SHISA9: variants seen among roughly 807,000 people sequenced by gnomAD.
SHISA9 encodes the protein shisa family member 9.
A neutral mutation model predicts 38.0 loss-of-function variants in SHISA9; 13 were observed. The ratio of observed to expected loss-of-function variants is 0.34; its 90% confidence interval spans 0.22 to 0.54. The LOEUF (loss-of-function observed/expected upper bound fraction) is 0.54, where lower values mean the gene tolerates loss of function less well. SHISA9 is among the 20% of genes least tolerant of loss of function. The pLI is 0.91. For synonymous variants in SHISA9, 275 were observed against 242.0 expected, an observed-to-expected ratio of 1.14 and a Z score of -1.27; for missense variants, 538 against 575.8, an observed-to-expected ratio of 0.93 and a Z score of 0.67.
intron 2 of SHISA9, among the ~76,000 whole-genome samples, chr16:13,073,244 A>G (rs1253941400): frequency 1.4e-5 from 2 of 143,048 alleles, no homozygotes; most frequent in Non-Finnish European, 3.0e-5. Flanking sequence ...TTTTTTGTAC[A>G]ACAGGACTTA....
the SHISA9 span, among the ~76,000 whole-genome samples, chr16:13,423,088 G>A: frequency 7.8e-4 from 119 of 152,320 alleles, no homozygotes; most frequent in African/African-American, 2.6e-3. Flanking sequence ...ATGAGAGGAA[G>A]GAGCTTGATC....
the SHISA9 span, among the ~76,000 whole-genome samples, chr16:13,395,765 A>G: frequency 6.6e-6 from 1 of 152,194 alleles, no homozygotes; most frequent in African/African-American, 2.4e-5. Flanking sequence ...TATTTGTCAA[A>G]TGAGTGCTTG....
the SHISA9 span, among the ~76,000 whole-genome samples, chr16:13,340,090 C>A: frequency 6.6e-6 from 1 of 152,152 alleles, no homozygotes; most frequent in Admixed American, 6.5e-5. Flanking sequence ...GCTCAACCTT[C>A]ATTTCTACAT....
intron 2 of SHISA9, among the ~76,000 whole-genome samples, chr16:13,117,908 G>A (rs966195042): frequency 3.9e-5 from 6 of 152,080 alleles, no homozygotes; most frequent in Non-Finnish European, 8.8e-5. Context: ...TCAGCCTGGT[G>A]TGATGGCTCA....
chr16:13,560,327 A>C, the SHISA9 span, among the ~76,000 whole-genome samples: 2 of 152,192 alleles, frequency 1.3e-5, no homozygotes, highest in African/African-American at 4.8e-5. Flanking sequence ...GTCACCCCTG[A>C]ACCAATCACC....
the SHISA9 span, among the ~76,000 whole-genome samples, chr16:13,434,425 T>TTTGTTTGTTTGTTTTG: frequency 7.7e-3 from 1,024 of 132,372 alleles, 28 homozygotes; most frequent in African/African-American, 0.02. Context: ...CTATGTTTTT[T>TTTGTTTGTTTGTTTTG]TTTTTTTTTT....
chr16:13,380,375 A>C, the SHISA9 span, among the ~76,000 whole-genome samples: 1 of 152,194 alleles, frequency 6.6e-6, no homozygotes, highest in Non-Finnish European at 1.5e-5. Flanking sequence ...AATGCTTTAA[A>C]AGAGAGAAAC....
chr16:13,148,895 C>G (rs535831732), intron 2 of SHISA9, among the ~76,000 whole-genome samples: 1 of 152,060 alleles, frequency 6.6e-6, no homozygotes, highest in Non-Finnish European at 1.5e-5. Context: ...TTAGCTCCCC[C>G]GAGGTTAAAT....
At chr16:13,531,643 G>A in the SHISA9 span, among the ~76,000 whole-genome samples, 2 of 152,156 alleles carry the variant, frequency 1.3e-5, no homozygotes, top group Admixed American at 6.5e-5. Context: ...CAAATTAGCA[G>A]GGTCCCTGAG....
At chr16:13,101,063 C>T (rs377080464) in intron 2 of SHISA9, among the ~76,000 whole-genome samples, 1 of 152,162 alleles carries the variant, frequency 6.6e-6, no homozygotes, top group Non-Finnish European at 1.5e-5. Flanking sequence ...CCATGCCTGG[C>T]TTATTTCTCT....
chr16:13,524,720 A>G, the SHISA9 span, among the ~76,000 whole-genome samples: 13 of 149,164 alleles, frequency 8.7e-5, no homozygotes, highest in East Asian at 2.4e-3. Flanking sequence ...TACCATGCCC[A>G]GCTAATTTTT....
intron 2 of SHISA9, among the ~76,000 whole-genome samples, chr16:12,920,704 C>T (rs978941468): frequency 1.3e-5 from 2 of 152,200 alleles, no homozygotes; most frequent in African/African-American, 4.8e-5. Context: ...CTCACCCACT[C>T]TCCCCAATAT....
chr16:13,269,606 C>T, the SHISA9 span, among the ~76,000 whole-genome samples: 4 of 152,144 alleles, frequency 2.6e-5, no homozygotes, highest in Admixed American at 2.6e-4. Context: ...CCTTGGTTTT[C>T]TCATCTAACA....
chr16:13,137,842 T>C (rs1320744526), intron 2 of SHISA9, among the ~76,000 whole-genome samples: 1 of 152,196 alleles, frequency 6.6e-6, no homozygotes, highest in Non-Finnish European at 1.5e-5. Context: ...AGTTCATTCC[T>C]CTTCCTATGG....
chr16:13,265,802 A>G, the SHISA9 span, among the ~76,000 whole-genome samples: 1 of 125,692 alleles, frequency 8.0e-6, no homozygotes, highest in South Asian at 2.6e-4. Flanking sequence ...TACAAGGAAA[A>G]GAGGCAAAAG....
the SHISA9 span, among the ~76,000 whole-genome samples, chr16:13,554,865 T>C: frequency 1.3e-5 from 2 of 152,174 alleles, no homozygotes; most frequent in Admixed American, 6.5e-5. Context: ...TTTTGAATCA[T>C]GAGGGGCATT....
intron 2 of SHISA9, among the ~76,000 whole-genome samples, chr16:12,997,770 G>A (rs1041572382): frequency 2.6e-5 from 4 of 152,096 alleles, no homozygotes; most frequent in African/African-American, 9.7e-5. Context: ...TCACCACATG[G>A]TTTTTGCCAA....
At chr16:12,998,145 C>CTGAA (rs1209345273) in intron 2 of SHISA9, among the ~76,000 whole-genome samples, 2 of 152,188 alleles carry the variant, frequency 1.3e-5, no homozygotes, top group African/African-American at 4.8e-5. Context: ...TTTCTTAGAG[C>CTGAA]TGAACACGCC....
At chr16:13,106,076 C>A (rs1165156501) in intron 2 of SHISA9, among the ~76,000 whole-genome samples, 1 of 152,078 alleles carries the variant, frequency 6.6e-6, no homozygotes, top group African/African-American at 2.4e-5. Flanking sequence ...GGAAACTGAG[C>A]CTGAGAGAGA....
Sources: gnomAD v4.1 joint callset for allele counts (sites outside exome capture counted in the v4.1 genomes callset) on GRCh38, gnomAD v4.1.1 for gene constraint, MANE v1.5 for transcripts, NCBI Gene and HGNC (gene_info 2026-07-23, HGNC 2026-07-21) for gene names.